NQO1: variants seen among roughly 807,000 people sequenced by gnomAD.
NQO1 encodes NAD(P)H dehydrogenase [quinone] 1.
In NQO1, 30 loss-of-function variants were observed where a neutral mutation model predicts 32.1. The observed-to-expected ratio is 0.94, with a 90% confidence interval of 0.70 to 1.27. NQO1 has a LOEUF of 1.27. Ranked by LOEUF, NQO1 falls within the 50% of genes most tolerant of loss-of-function variation. The pLI is 0.00. For missense variants in NQO1, 276 were observed against 331.3 expected, an observed-to-expected ratio of 0.83 and a Z score of 1.30; for synonymous variants, 109 against 119.7, an observed-to-expected ratio of 0.91 and a Z score of 0.59.
At position 69,715,006 on chromosome 16, in the gene NQO1, A is replaced by G. The variant is rs1233258384; in HGVS notation, c.375T>C (p.Phe125=). The change falls in exon 4 of 6, where the codon TTT becomes TTC. Residue 125 remains phenylalanine, a synonymous_variant. Coordinates refer to ENST00000320623, the MANE Select transcript of NQO1 (RefSeq NM_000903.3). ...GWFERVFIGE[F]AYTYAAMYDK... is the part of the protein sequence containing the mutation. ...CATACATGGCAGCGTAAGTGTAAGCAAACTCTCCTATGAACACTCGCTCAA... is the reference window on the plus strand; with the variant it reads ...CATACATGGCAGCGTAAGTGTAAGCGAACTCTCCTATGAACACTCGCTCAA... The G allele has an allele frequency of 1.9e-6, 3 of 1,613,856 alleles. No individual in the cohort carries two copies. Among genetic ancestry groups the G allele is most frequent in the Non-Finnish European group, 2.5e-6 (3 of 1,179,892 alleles).
At chr16:69,721,617 A>G (rs2038192402) in intron 1 of NQO1, among the ~76,000 whole-genome samples, 1 of 152,162 alleles carries the variant, frequency 6.6e-6, no homozygotes, top group Non-Finnish European at 1.5e-5. Context: ...GCCCCATGTT[A>G]CAGATGAGAA....
chr16:69,711,654 CTTTT>C (rs903633662), intron 5 of NQO1, among the ~76,000 whole-genome samples: 5 of 136,700 alleles, frequency 3.7e-5, no homozygotes, highest in Non-Finnish European at 3.2e-5. Context: ...TTTTCTTTTT[CTTTT>C]TTTTTTTTTT....
chr16:69,712,911 C>T (rs1380185792), intron 5 of NQO1, 117 bp downstream of exon 5: 7 of 806,362 alleles, frequency 8.7e-6, no homozygotes, highest in East Asian at 2.5e-5. Context: ...GAGAATTGCT[C>T]GAACCCAGCG....
At chr16:69,718,588 C>T in intron 1 of NQO1, 54 bp from the exon 2 acceptor site, 1 of 1,586,398 alleles carries the variant, frequency 6.3e-7, no homozygotes, top group Admixed American at 1.7e-5. Flanking sequence ...ACCAGCAAAC[C>T]TTCAGCTACA....
In NQO1 at chr16:69,709,570, G is replaced by T. The variant is rs571683372; in HGVS notation, c.*1406C>A. The T allele has an allele frequency of 2.6e-6, 1 of 390,088 alleles. No homozygotes were observed. Among genetic ancestry groups the T allele is most frequent in the Admixed American group, 4.5e-5 (1 of 22,436 alleles). The allele number at this position is 390,088 out of a possible 1,614,324, so 24.2% of individuals were successfully genotyped here. ...AACCACCAGTGCCAGTCAGCATCTGGTAAAGGAGGTTTTCCAGCTCGGTCC... is the reference window on the plus strand; with the variant it reads ...AACCACCAGTGCCAGTCAGCATCTGTTAAAGGAGGTTTTCCAGCTCGGTCC... On this transcript the variant is annotated 3_prime_UTR_variant, in exon 6 of 6. Transcript: ENST00000320623.
intron 1 of NQO1, among the ~76,000 whole-genome samples, chr16:69,725,867 TCCGTCTCAAACA>T: frequency 7.8e-6 from 1 of 128,676 alleles, no homozygotes; most frequent in East Asian, 2.2e-4. Flanking sequence ...AGAGCAAAAC[TCCGTCTCAAACA>T]AAACAAAACA....
intron 1 of NQO1, among the ~76,000 whole-genome samples, chr16:69,722,991 G>A (rs1448458974): frequency 5.3e-5 from 8 of 152,094 alleles, no homozygotes. Flanking sequence ...GCAGTGGCGC[G>A]ATCTCGGCTC....
chr16:69,724,786 C>T (rs2038239232), intron 1 of NQO1, among the ~76,000 whole-genome samples: 3 of 152,180 alleles, frequency 2.0e-5, no homozygotes, highest in Non-Finnish European at 1.5e-5. Flanking sequence ...CACTTGAGTG[C>T]TCCAGGGAAC....
intron 1 of NQO1, among the ~76,000 whole-genome samples, chr16:69,724,597 G>A (rs1025153378): frequency 1.3e-5 from 2 of 151,204 alleles, no homozygotes; most frequent in Admixed American, 1.3e-4. Flanking sequence ...AGCTACTCGG[G>A]GGCAAAGATG....
chr16:69,716,334 A>C (rs1173327438), intron 3 of NQO1, among the ~76,000 whole-genome samples: 1 of 151,662 alleles, frequency 6.6e-6, no homozygotes, highest in East Asian at 1.9e-4. Flanking sequence ...GTTTCTACTA[A>C]AAATACAAAA....
chr16:69,718,030 G>T, intron 3 of NQO1, 93 bp downstream of exon 3: 1 of 1,515,174 alleles, frequency 6.6e-7, no homozygotes, highest in East Asian at 2.3e-5. Flanking sequence ...AGTAAAGTGG[G>T]TAACTGTTTA....
rs143512855 is a variant in NQO1 at position 69,718,436 on chromosome 16, C to T, written c.106G>A (p.Glu36Lys). 1.2e-4 allele frequency: 199 copies of T among 1,614,042 alleles called. No individual in the cohort carries two copies. The highest frequency in any genetic ancestry group is 1.9e-4 in the African/African-American group (14 of 74,934). Reference sequence around the variant, plus strand: ...GCATAGAGGTCCGACTCCACCACCTCCCATCCTTTCTTCTTCAAAGCCGCT... The same window carrying T: ...GCATAGAGGTCCGACTCCACCACCTTCCATCCTTTCTTCTTCAAAGCCGCT... ...AAAALKKKGW[E>K]VVESDLYAMN... The change falls in exon 2 of 6, where the codon GAG (glutamate) becomes AAG (lysine). Residue 36 changes from glutamate to lysine, a missense_variant. By Grantham distance (56) the Glu-to-Lys change is moderately conservative (BLOSUM62 1). Transcript: ENST00000320623.
rs1192550571 is a variant in NQO1, at chr16:69,713,063, G to A, written c.484C>T (p.His162Tyr). 1 of 1,614,096 alleles carries A rather than the reference G, an allele frequency of 6.2e-7. No homozygotes were observed. The highest frequency in any genetic ancestry group is 1.7e-5 in the Admixed American group (1 of 60,020). ...SGSMYSLQGI[H>Y]GDMNVILWPI... ...CAGAGAATGACATTCATGTCCCCGT[G>A]GATCCCTTGCAGAGAGTACATGGAG... The change falls in exon 5 of 6, where the codon CAC becomes TAC. Residue 162 changes from histidine (H) to tyrosine (Y), a missense_variant. Physicochemically the swap from His to Tyr is moderately conservative, Grantham distance 83 (BLOSUM62 2). Transcript: ENST00000320623.
At chr16:69,715,135 G>A (rs2038096914) in intron 3 of NQO1, 58 bp from the exon 4 acceptor site, 1 of 1,327,012 alleles carries the variant, frequency 7.5e-7, no homozygotes, top group Non-Finnish European at 1.1e-6. Context: ...CCCAGAAGGT[G>A]GCTCGGAGTG....
chr16:69,722,162 G>A (rs1016487404), intron 1 of NQO1, among the ~76,000 whole-genome samples: 1 of 146,876 alleles, frequency 6.8e-6, no homozygotes, highest in Admixed American at 6.7e-5. Context: ...TTTTTTGGCA[G>A]GGTGGGGGTG....
At position 69,718,384 on chromosome 16, in the gene NQO1, C is replaced by T; in HGVS notation, c.158G>A (p.Arg53Lys). The T allele has an allele frequency of 6.2e-7, 1 of 1,614,198 alleles. No homozygotes were observed. The highest frequency in any genetic ancestry group is 8.5e-7 in the Non-Finnish European group (1 of 1,180,036). ...ACTCCTCCTACCTGTGATGTCCTTTCTGGAAATGATGGGATTGAAGTTCAT... is the reference window on the plus strand; with the variant it reads ...ACTCCTCCTACCTGTGATGTCCTTTTTGGAAATGATGGGATTGAAGTTCAT... Reference protein sequence around the residue: ...YAMNFNPIISRKDITGKLKDP... With the variant: ...YAMNFNPIISKKDITGKLKDP... Residue 53 changes from arginine (R) to lysine (K), a missense_variant, in exon 2 of 6, where the codon AGA becomes AAA. Physicochemically the swap from Arg to Lys is conservative, Grantham distance 26. Coordinates refer to ENST00000320623, the MANE Select transcript of NQO1 (RefSeq NM_000903.3).
chr16:69,726,497 T>C lies in NQO1; in HGVS notation c.-58A>G. 6.3e-7 allele frequency: 1 copy of C among 1,596,482 alleles called. No individual in the cohort carries two copies. Among genetic ancestry groups the C allele is most frequent in the Non-Finnish European group, 8.5e-7 (1 of 1,176,240 alleles). ...GGGCTCGTGGTTGCCGGGGCGACCC[T>C]GGCCGGAACTAGGCTCTCGGTGAGC... On this transcript the variant is annotated 5_prime_UTR_variant, in exon 1 of 6. Transcript: ENST00000320623.
At chr16:69,723,354 C>CT (rs1248152498) in intron 1 of NQO1, among the ~76,000 whole-genome samples, 3 of 152,150 alleles carry the variant, frequency 2.0e-5, no homozygotes, top group Admixed American at 1.3e-4. Context: ...AGCTCAGACT[C>CT]TAATAGCTAT....
rs2038030334 is a variant in NQO1 at position 69,710,982 on chromosome 16, TC to T, written c.818del (p.Arg273LysfsTer6). The T allele has an allele frequency of 6.2e-6, 10 of 1,609,312 alleles. No individual in the cohort carries two copies. In the South Asian group the frequency reaches 7.7e-5, roughly 12 times the overall value. On this transcript the variant is annotated frameshift_variant, in exon 6 of 6. Coordinates refer to ENST00000320623, the MANE Select transcript of NQO1 (RefSeq NM_000903.3). LOFTEE classifies it high-confidence loss of function. ...AAATCCAGGCTAAGGAATCTCATTT[TC>T]TAGCTTTGATCTGGTTGTCAGTTGG... is the stretch of plus-strand genomic sequence containing the variant. Reference protein sequence around the residue: ...SIPTDNQIKARK With the variant: ...SIPTDNQIKAXK
Sources: allele counts gnomAD v4.1 joint callset (sites outside exome capture counted in the v4.1 genomes callset), GRCh38; gene constraint gnomAD v4.1.1; transcripts MANE v1.5; gene names NCBI Gene and HGNC (gene_info 2026-07-23, HGNC 2026-07-21).